TNS2: variants seen among roughly 807,000 people sequenced by gnomAD.
The protein encoded by TNS2 is tensin 2.
In TNS2, 77 loss-of-function variants were observed where a neutral mutation model predicts 155.7. The observed-to-expected ratio is 0.49, with a 90% CI of 0.41 to 0.60. The LOEUF is 0.60. Ranked by LOEUF, TNS2 falls within the 20% of genes least tolerant of loss-of-function variation. TNS2 has a pLI of 0.00. For missense variants in TNS2, 1,703 were observed against 1,868.8 expected (o/e 0.91, Z 1.64); for synonymous variants, 726 against 763.9 (o/e 0.95, Z 0.82).
At position 53,057,475 on chromosome 12, in the gene TNS2, A is replaced by T. The variant is rs1843566846; in HGVS notation, c.846-92A>T. ...AGATGGGAAGGAAGTGTTGAGCAGA[A>T]GAGCGAGCCTTCTAAGGGTGGATGG... On this transcript the variant is annotated intron_variant, in intron 11 of 28. Coordinates refer to ENST00000314250, the MANE Select transcript of TNS2 (RefSeq NM_170754.4). 4 of 966,198 alleles carry T rather than the reference A, an allele frequency of 4.1e-6. No individual in the cohort carries two copies. The East Asian group carries it at 9.6e-5, about 23-fold the overall frequency. The allele number at this position is 966,198 out of a possible 1,614,324, so 59.9% of individuals were successfully genotyped here. A position where few individuals can be genotyped will look rare whatever the true frequency, so the allele number is the denominator to read the frequency against.
chr12:53,047,490 G>A (rs1227223961), upstream of TNS2, among the ~76,000 whole-genome samples: 1 of 147,900 alleles, frequency 6.8e-6, no homozygotes, highest in East Asian at 2.0e-4. Context: ...GGCGCGGGGC[G>A]CGGGGCGCGG....
Position 53,060,740 on chromosome 12 carries a change from C to T in TNS2, c.2834C>T (p.Ala945Val), listed in dbSNP as rs774682450. 7 of 1,609,740 alleles carry T rather than the reference C, an allele frequency of 4.3e-6. No homozygotes were observed. The highest frequency in any genetic ancestry group is 2.2e-5 in the East Asian group (1 of 44,858). Residue 945 changes from alanine (A) to valine (V), a missense_variant, in exon 20 of 29, where the codon GCC becomes GTC. Ala to Val is a moderately conservative substitution (Grantham distance 64, BLOSUM62 0). Coordinates refer to ENST00000314250, the MANE Select transcript of TNS2 (RefSeq NM_170754.4). This position sits in a 1 kb window ranked among gnomAD's most constrained non-coding sequence, Gnocchi z 6.1. ...APTQRLSPGEALPPVSQAGTG... is the reference protein window; with the variant it reads ...APTQRLSPGEVLPPVSQAGTG... ...ACTCAGAGACTGAGTCCTGGCGAGG[C>T]CTTGCCCCCTGTTTCCCAGGCAGGC... is the stretch of plus-strand genomic sequence containing the variant.
At chr12:53,049,265 G>A (rs148652257), upstream of TNS2, 8 of 1,602,058 alleles carry the variant, frequency 5.0e-6, no homozygotes, top group Admixed American at 1.7e-5. Context: ...CTCAGGCTTC[G>A]GGGTTGCCGC....
In TNS2 at chr12:53,063,973, C is replaced by T. The variant is rs182478262; in HGVS notation, c.*91C>T. 3,439 of 1,455,156 alleles carry T rather than the reference C, an allele frequency of 2.4e-3. 19 individuals carry two copies. The highest frequency in any genetic ancestry group is 0.015 in the Admixed American group (761 of 49,432). 90.1% of individuals were successfully genotyped at this position (1,455,156 alleles called of 1,614,324 possible). ...ATCCCCTGGCCTGGACCCAGGAGACCCAGGAGAAAGCACCCTCCCTTAGGA... is the reference window on the plus strand; with the variant it reads ...ATCCCCTGGCCTGGACCCAGGAGACTCAGGAGAAAGCACCCTCCCTTAGGA... On this transcript the variant is annotated 3_prime_UTR_variant, in exon 29 of 29. Coordinates refer to ENST00000314250, the MANE Select transcript of TNS2 (RefSeq NM_170754.4). This position sits in a 1 kb window ranked among gnomAD's most constrained non-coding sequence, Gnocchi z 5.6.
rs1944441468 is a variant in TNS2 at position 53,063,273 on chromosome 12, C to T, written c.3992+16C>T. 2 of 1,613,624 alleles carry T rather than the reference C, an allele frequency of 1.2e-6. No homozygotes were observed. Among genetic ancestry groups the T allele is most frequent in the African/African-American group, 2.7e-5 (2 of 74,902 alleles). On this transcript the variant is annotated intron_variant, in intron 26 of 28. Coordinates refer to ENST00000314250, the MANE Select transcript of TNS2 (RefSeq NM_170754.4). This position sits in a 1 kb window ranked among gnomAD's most constrained non-coding sequence, Gnocchi z 5.6. ...ACCAAAGGAAGTATGTATACTCAGC[C>T]CTGTAGAACCCCATGCTTAAGGCCC...
Position 53,050,170 on chromosome 12 carries a change from C to T in TNS2, c.-16C>T, listed in dbSNP as rs771642205. The T allele has an allele frequency of 6.2e-6, 10 of 1,609,150 alleles. No homozygotes were observed. The highest frequency in any genetic ancestry group is 6.8e-6 in the Non-Finnish European group (8 of 1,178,610). ...TGTTCAGGCCCTGGGGCCAGCACCC[C>T]AGCCAGCCGAACACCATGAAGTCCA... On this transcript the variant is annotated 5_prime_UTR_variant, in exon 1 of 29. Transcript: ENST00000314250. The surrounding 1 kb of genome is among the most constrained non-coding windows in gnomAD (Gnocchi z 4.7).
upstream of TNS2, chr12:53,049,059 C>G: frequency 1.0e-6 from 1 of 1,003,526 alleles, no homozygotes; most frequent in Non-Finnish European, 1.5e-6. Context: ...GATTACTCCC[C>G]CTTTTTCAAG....
At chr12:53,054,052 T>C in intron 6 of TNS2, 38 bp downstream of exon 6, 4 of 1,613,292 alleles carry the variant, frequency 2.5e-6, no homozygotes, top group Non-Finnish European at 3.4e-6. Flanking sequence ...CGTGACCCCC[T>C]TTCCGCCGGC....
intron 10 of TNS2, chr12:53,056,084 G>T: frequency 2.2e-6 from 1 of 457,258 alleles, no homozygotes; most frequent in Non-Finnish European, 3.9e-6. Context: ...GGCCGGGTGC[G>T]TTGGCTCACG....
intron 11 of TNS2, 105 bp downstream of exon 11, chr12:53,057,201 C>T (rs1042309002): frequency 8.8e-5 from 111 of 1,265,612 alleles, no homozygotes; most frequent in Non-Finnish European, 1.1e-4. Context: ...GTGTGCCAAG[C>T]GCCGTGCCAG....
At position 53,063,262 on chromosome 12, in the gene TNS2, G is replaced by A. The variant is rs780478831; in HGVS notation, c.3992+5G>A. The stretch of plus-strand genomic sequence containing the variant: ...ACTGACGGACAACCAAAGGAAGTAT[G>A]TATACTCAGCCCTGTAGAACCCCAT... On this transcript the variant is annotated splice_donor_5th_base_variant and intron_variant, in intron 26 of 28. Coordinates refer to ENST00000314250, the MANE Select transcript of TNS2 (RefSeq NM_170754.4). This position sits in a 1 kb window ranked among gnomAD's most constrained non-coding sequence, Gnocchi z 5.6. 3.1e-6 allele frequency: 5 copies of A among 1,613,482 alleles called. No homozygotes were observed. In the African/African-American group the frequency reaches 6.7e-5, roughly 22 times the overall value.
chr12:53,063,996 G>T lies in TNS2; in HGVS notation c.*114G>T. On this transcript the variant is annotated 3_prime_UTR_variant, in exon 29 of 29. Transcript: ENST00000314250. The surrounding 1 kb of genome is among the most constrained non-coding windows in gnomAD (Gnocchi z 5.6). ...ACCCAGGAGAAAGCACCCTCCCTTA[G>T]GAATGAGGAGTGGGCATCAGGCCTG... is the stretch of plus-strand genomic sequence containing the variant. The T allele has an allele frequency of 8.2e-7, 1 of 1,216,406 alleles. No individual in the cohort carries two copies. The allele number at this position is 1,216,406 out of a possible 1,614,324, so 75.4% of individuals were successfully genotyped here.
Position 53,060,302 on chromosome 12 carries a change from C to T in TNS2, c.2617+44C>T. 14 of 1,549,076 alleles carry T rather than the reference C, an allele frequency of 9.0e-6. No individual in the cohort carries two copies. The highest frequency in any genetic ancestry group is 1.2e-5 in the Non-Finnish European group (14 of 1,146,232). On this transcript the variant is annotated intron_variant, in intron 18 of 28. Coordinates refer to ENST00000314250, the MANE Select transcript of TNS2 (RefSeq NM_170754.4). The surrounding 1 kb of genome is among the most constrained non-coding windows in gnomAD (Gnocchi z 6.1). ...CGGAGTGCCCAGGGCAGAGGAGGTTCTGGAAGATGGTGGGGAAGTCAAGGG... is the reference window on the plus strand; with the variant it reads ...CGGAGTGCCCAGGGCAGAGGAGGTTTTGGAAGATGGTGGGGAAGTCAAGGG...
intron 24 of TNS2, 27 bp downstream of exon 24, chr12:53,062,480 C>T: frequency 1.2e-6 from 2 of 1,612,628 alleles, no homozygotes; most frequent in East Asian, 2.2e-5. Flanking sequence ...CTGTCCTCCC[C>T]ACCTCTCCCT....
At chr12:53,054,489 T>G (rs1334912832) in intron 7 of TNS2, 48 bp downstream of exon 7, 2 of 1,511,148 alleles carry the variant, frequency 1.3e-6, no homozygotes, top group Non-Finnish European at 1.8e-6. Context: ...GGATGTAGGG[T>G]CCAGATGGGC....
chr12:53,061,583 C>A, intron 21 of TNS2, 114 bp downstream of exon 21: 2 of 1,373,744 alleles, frequency 1.5e-6, no homozygotes, highest in Non-Finnish European at 2.0e-6. Context: ...GCTGTGTTTA[C>A]TCTTGGCTGA....
Position 53,056,934 on chromosome 12 carries a change from C to G in TNS2, c.762-79C>G, listed in dbSNP as rs768811884. Reference sequence around the variant, plus strand: ...AGACTTAGAGAATCATATTTCTCCTCCATCCCCTGGGGCTTAGGGATGGGA... The same window carrying G: ...AGACTTAGAGAATCATATTTCTCCTGCATCCCCTGGGGCTTAGGGATGGGA... On this transcript the variant is annotated intron_variant, in intron 10 of 28. Transcript: ENST00000314250. 3.7e-6 allele frequency: 5 copies of G among 1,362,962 alleles called. No homozygotes were observed. The South Asian group carries it at 6.3e-5, about 17-fold the overall frequency. 84.4% of individuals were successfully genotyped at this position (1,362,962 alleles called of 1,614,324 possible). A position where few individuals can be genotyped will look rare whatever the true frequency, so the allele number is the denominator to read the frequency against.
chr12:53,049,979 C>T (rs1943864894), upstream of TNS2: 20 of 1,313,984 alleles, frequency 1.5e-5, no homozygotes, highest in South Asian at 2.8e-4. Context: ...ACATCCTCCC[C>T]CCTCCACTTC....
upstream of TNS2, chr12:53,047,175 A>ACGGGCGAGGGCG (rs1943748175): frequency 7.0e-6 from 1 of 143,822 alleles, no homozygotes; most frequent in Admixed American, 6.8e-5. Flanking sequence ...GCGGGCTGCC[A>ACGGGCGAGGGCG]CGGGCGCGGG....
Sources: allele counts gnomAD v4.1 joint callset (sites outside exome capture counted in the v4.1 genomes callset), GRCh38; gene constraint gnomAD v4.1.1; non-coding constraint Gnocchi (gnomAD v3.1); transcripts MANE v1.5; gene names NCBI Gene and HGNC (gene_info 2026-07-23, HGNC 2026-07-21).